ATAD2B: variants seen among roughly 807,000 people sequenced by gnomAD.
ATAD2B encodes the protein ATPase family AAA domain containing 2B.
In ATAD2B, 40 loss-of-function variants were observed where a neutral mutation model predicts 167.6. The ratio of observed to expected loss-of-function variants is 0.24; its 90% CI spans 0.19 to 0.31. ATAD2B has a LOEUF of 0.31. ATAD2B is among the 10% of genes least tolerant of loss of function. The pLI, the probability that ATAD2B is intolerant of heterozygous loss-of-function variation, is 1.00. For synonymous variants in ATAD2B, 579 were observed against 596.5 expected (o/e 0.97, Z 0.43); for missense variants, 1,242 against 1,757.2 (o/e 0.71, Z 5.24).
chr2:23,679,726 C>T, the ATAD2B span, among the ~76,000 whole-genome samples: 7 of 152,294 alleles, frequency 4.6e-5, no homozygotes, highest in African/African-American at 1.2e-4. Context: ...CTCCTAGTAT[C>T]GATAAAGAAG....
At chr2:23,911,547 C>A (rs1702302614) in intron 1 of ATAD2B, among the ~76,000 whole-genome samples, 1 of 146,648 alleles carries the variant, frequency 6.8e-6, no homozygotes, top group Non-Finnish European at 1.5e-5. Context: ...AGGGTGAGAT[C>A]TTATCCCAAA....
chr2:23,853,822 G>A (rs1192494404), intron 13 of ATAD2B, among the ~76,000 whole-genome samples: 5 of 152,200 alleles, frequency 3.3e-5, no homozygotes, highest in Admixed American at 1.3e-4. Flanking sequence ...TAGACCTGTA[G>A]ATCAATGGAA....
At chr2:23,830,424 T>C (rs1658929997) in intron 14 of ATAD2B, among the ~76,000 whole-genome samples, 1 of 152,218 alleles carries the variant, frequency 6.6e-6, no homozygotes, top group Admixed American at 6.5e-5. Flanking sequence ...AAAAATTGAG[T>C]ATGCTTGTTC....
chr2:23,741,186 GA>G, the ATAD2B span, among the ~76,000 whole-genome samples: 1 of 151,720 alleles, frequency 6.6e-6, no homozygotes, highest in African/African-American at 2.4e-5. Context: ...TTTCTTCACA[GA>G]ATTGGAAAAA....
chr2:23,902,766 T>C (rs559851573), intron 1 of ATAD2B, among the ~76,000 whole-genome samples: 1 of 152,208 alleles, frequency 6.6e-6, no homozygotes, highest in African/African-American at 2.4e-5. Flanking sequence ...GTAAAAAAGA[T>C]GGATAAGAAC....
At chr2:23,739,607 T>C in the ATAD2B span, among the ~76,000 whole-genome samples, 5 of 151,640 alleles carry the variant, frequency 3.3e-5, no homozygotes, top group Non-Finnish European at 5.9e-5. Context: ...AGGAAAGATC[T>C]AAAATTGACA....
chr2:23,769,075 C>G (rs1159604771), intron 22 of ATAD2B, among the ~76,000 whole-genome samples: 1 of 152,124 alleles, frequency 6.6e-6, no homozygotes, highest in Non-Finnish European at 1.5e-5. Flanking sequence ...CTTCAGCAAC[C>G]GCAGGGGATT....
chr2:23,903,011 G>C (rs1335728096), intron 1 of ATAD2B, among the ~76,000 whole-genome samples: 2 of 152,134 alleles, frequency 1.3e-5, no homozygotes, highest in African/African-American at 4.8e-5. Flanking sequence ...GAGGTGGGCA[G>C]ATTGTTTGAG....
At chr2:23,847,822 TA>T (rs563477963) in intron 13 of ATAD2B, among the ~76,000 whole-genome samples, 1,992 of 136,902 alleles carry the variant, frequency 0.015, 15 homozygotes, top group Middle Eastern at 0.042. Flanking sequence ...CCATCTCTAC[TA>T]AAAAAAAAAA....
chr2:23,738,367 C>A, the ATAD2B span, among the ~76,000 whole-genome samples: 2 of 152,162 alleles, frequency 1.3e-5, no homozygotes, highest in East Asian at 3.8e-4. Flanking sequence ...GAAACTCTAC[C>A]AGCCAGAAGA....
At chr2:23,731,802 C>A in the ATAD2B span, among the ~76,000 whole-genome samples, 1 of 151,946 alleles carries the variant, frequency 6.6e-6, no homozygotes, top group Admixed American at 6.6e-5. Flanking sequence ...ACAGTAAGAC[C>A]CCACCTCTGT....
intron 22 of ATAD2B, among the ~76,000 whole-genome samples, chr2:23,767,022 A>C (rs1465159554): frequency 1.3e-5 from 2 of 151,686 alleles, no homozygotes; most frequent in Non-Finnish European, 2.9e-5. Flanking sequence ...CAGCCAGTGT[A>C]GTGTTATGAG....
rs549755162 is a variant in ATAD2B, at chr2:23,838,121, G to A, written c.1569-4043C>T. Among the ~76,000 whole-genome samples, 11 of 152,180 alleles carry A rather than the reference G, an allele frequency of 7.2e-5. No homozygotes were observed. In the East Asian group the frequency reaches 1.5e-3, roughly 21 times the overall value. On this transcript the variant is annotated intron_variant, in intron 13 of 27. Transcript: ENST00000238789. Reference sequence around the variant, plus strand: ...AGCTGTGTTTCCAAAATCTATAAGCGGAATCAAAATGCTAGATACCCAGTG... The same window carrying A: ...AGCTGTGTTTCCAAAATCTATAAGCAGAATCAAAATGCTAGATACCCAGTG...
chr2:23,708,577 T>C, the ATAD2B span: 2 of 152,216 alleles, frequency 1.3e-5, no homozygotes, highest in Non-Finnish European at 2.9e-5. Flanking sequence ...GTTCTTGTTA[T>C]ATTATAATAA....
the ATAD2B span, among the ~76,000 whole-genome samples, chr2:23,734,145 T>TA: frequency 6.2e-3 from 947 of 152,154 alleles, 5 homozygotes; most frequent in Non-Finnish European, 0.011. Context: ...AATTACCCGA[T>TA]ACTGGGTAAC....
At chr2:23,809,976 T>C (rs1685294664) in intron 18 of ATAD2B, among the ~76,000 whole-genome samples, 1 of 152,180 alleles carries the variant, frequency 6.6e-6, no homozygotes, top group South Asian at 2.1e-4. Context: ...ATGATAAGGC[T>C]CTAAGAAAAG....
the ATAD2B span, among the ~76,000 whole-genome samples, chr2:23,709,131 T>C: frequency 6.6e-6 from 1 of 152,184 alleles, no homozygotes; most frequent in East Asian, 1.9e-4. Flanking sequence ...AACCTCCGCC[T>C]CCCGGGTTCA....
intron 10 of ATAD2B, 60 bp from the exon 11 acceptor site, chr2:23,864,984 A>G: frequency 9.9e-7 from 1 of 1,014,952 alleles, no homozygotes. Context: ...TAGAATTTTT[A>G]AAATTTATAA....
chr2:23,869,107 A>C (rs1369388069), intron 9 of ATAD2B, among the ~76,000 whole-genome samples: 2 of 152,160 alleles, frequency 1.3e-5, no homozygotes, highest in East Asian at 3.8e-4. Context: ...AATAAATAAT[A>C]ATTTGACACT....
Sources: allele counts gnomAD v4.1 joint callset (sites outside exome capture counted in the v4.1 genomes callset), GRCh38; gene constraint gnomAD v4.1.1; transcripts MANE v1.5; gene names NCBI Gene and HGNC (gene_info 2026-07-23, HGNC 2026-07-21).